The following KCND3 variants were observed in gnomAD, a reference collection of about 807,000 sequenced individuals.
The protein encoded by KCND3 is A-type voltage-gated potassium channel KCND3.
KCND3 carries 9 observed loss-of-function variants against 51.1 expected under a neutral mutation model. That is an observed-to-expected ratio of 0.18 (90% confidence interval 0.11 to 0.31). KCND3 has a LOEUF of 0.31. KCND3 is among the 10% of genes least tolerant of loss of function. KCND3 has a pLI of 1.00. For missense variants in KCND3, 526 were observed against 903.8 expected, an observed-to-expected ratio of 0.58 and a Z score of 5.36; for synonymous variants, 349 against 368.0, an observed-to-expected ratio of 0.95 and a Z score of 0.59.
At chr1:111,873,606 G>A (rs1221226552) in intron 2 of KCND3, among the ~76,000 whole-genome samples, 1 of 152,076 alleles carries the variant, frequency 6.6e-6, no homozygotes, top group African/African-American at 2.4e-5. Context: ...TCTGTTATGT[G>A]CAGCTGCAGA....
chr1:111,855,428 TA>T (rs1347717905), intron 2 of KCND3, among the ~76,000 whole-genome samples: 1 of 152,188 alleles, frequency 6.6e-6, no homozygotes, highest in Non-Finnish European at 1.5e-5. Context: ...CACCAGCTTG[TA>T]ATTACTTTTC....
intron 2 of KCND3, among the ~76,000 whole-genome samples, chr1:111,813,688 G>A (rs1398403576): frequency 6.6e-6 from 1 of 152,180 alleles, no homozygotes; most frequent in African/African-American, 2.4e-5. Flanking sequence ...TGGCTCCCTA[G>A]GTAGGTCAAA....
At chr1:111,928,904 C>T (rs1343676118) in intron 2 of KCND3, among the ~76,000 whole-genome samples, 1 of 152,194 alleles carries the variant, frequency 6.6e-6, no homozygotes, top group Non-Finnish European at 1.5e-5. Context: ...GAAATATCTG[C>T]TCTGCAGACA....
intron 2 of KCND3, among the ~76,000 whole-genome samples, chr1:111,967,081 AGTGAGCCGAGATCAC>A (rs1420783703): frequency 1.3e-5 from 2 of 149,668 alleles, no homozygotes; most frequent in East Asian, 4.1e-4. Context: ...CAGAGATTGC[AGTGAGCCGAGATCAC>A]GCCATTGCAC....
chr1:111,828,700 G>A (rs529199590), intron 2 of KCND3, among the ~76,000 whole-genome samples: 1 of 152,136 alleles, frequency 6.6e-6, no homozygotes. Flanking sequence ...CCCCCATCCT[G>A]CCACCAGCTC....
intron 2 of KCND3, among the ~76,000 whole-genome samples, chr1:111,928,417 C>T (rs1338977144): frequency 6.6e-6 from 1 of 152,208 alleles, no homozygotes; most frequent in Non-Finnish European, 1.5e-5. Context: ...CAGATCATGG[C>T]CCATGCCTGC....
chr1:111,947,102 A>T (rs1672813593), intron 2 of KCND3, among the ~76,000 whole-genome samples: 1 of 152,124 alleles, frequency 6.6e-6, no homozygotes, highest in Non-Finnish European at 1.5e-5. Context: ...TAGAGAATTT[A>T]ATCTATTTAC....
intron 1 of KCND3, among the ~76,000 whole-genome samples, chr1:111,987,516 G>A (rs995314422): frequency 6.6e-6 from 1 of 152,200 alleles, no homozygotes; most frequent in Non-Finnish European, 1.5e-5. Flanking sequence ...TGGGGGTTGG[G>A]AGGTGAAAGG....
chr1:111,915,752 C>CAAAAAAAAAAAAAAAA, intron 2 of KCND3, among the ~76,000 whole-genome samples: 1 of 67,320 alleles, frequency 1.5e-5, no homozygotes, highest in Non-Finnish European at 2.8e-5. Context: ...GACTCTGTCT[C>CAAAAAAAAAAAAAAAA]AAAAAAAAAA....
At chr1:111,919,280 A>G (rs1443926) in intron 2 of KCND3, among the ~76,000 whole-genome samples, 38,040 of 150,762 alleles carry the variant, frequency 0.25, 5,208 homozygotes, top group Non-Finnish European at 0.31. Flanking sequence ...GGTGCTATGA[A>G]TGAAGTAAGA....
In KCND3 at chr1:111,960,512, C is replaced by G. The variant is rs72977018; in HGVS notation, c.1106+21109G>C. On this transcript the variant is annotated intron_variant, in intron 2 of 7. Transcript: ENST00000302127. ...TTCCTCCCTTCCCCACAGCAGTGGT[C>G]AGGCACGGACAGTTCCCAAGAGTGC... is the stretch of plus-strand genomic sequence containing the variant. Among the ~76,000 whole-genome samples the G allele has an allele frequency of 4.4e-3, 670 of 152,346 alleles. 5 individuals are homozygous for G. The highest frequency in any genetic ancestry group is 0.015 in the African/African-American group (620 of 41,572).
At chr1:111,882,585 C>T (rs563386274) in intron 2 of KCND3, among the ~76,000 whole-genome samples, 20 of 152,280 alleles carry the variant, frequency 1.3e-4, no homozygotes, top group Non-Finnish European at 7.4e-5. Flanking sequence ...GGGGCCCAGG[C>T]CCTGAGGTGC....
intron 2 of KCND3, among the ~76,000 whole-genome samples, chr1:111,859,772 G>A (rs950182980): frequency 4.6e-5 from 7 of 152,114 alleles, no homozygotes; most frequent in South Asian, 4.1e-4. Context: ...AATGAATATC[G>A]ATCAAGCTTG....
At chr1:111,934,819 T>C (rs1672145455) in intron 2 of KCND3, among the ~76,000 whole-genome samples, 1 of 152,252 alleles carries the variant, frequency 6.6e-6, no homozygotes, top group Non-Finnish European at 1.5e-5. Flanking sequence ...AAACTGCTTA[T>C]ACCTCAGTTT....
chr1:111,795,793 A>G (rs940916179), intron 2 of KCND3, among the ~76,000 whole-genome samples: 3 of 151,990 alleles, frequency 2.0e-5, no homozygotes, highest in Admixed American at 6.6e-5. Flanking sequence ...ACTAATTTAC[A>G]CTCCCACCAA....
chr1:111,817,832 G>C (rs1174602545), intron 2 of KCND3, among the ~76,000 whole-genome samples: 1 of 152,326 alleles, frequency 6.6e-6, no homozygotes, highest in East Asian at 1.9e-4. Flanking sequence ...GCGTCAATAT[G>C]TGCAAAGCAG....
At chr1:111,898,174 G>A (rs1670209189) in intron 2 of KCND3, among the ~76,000 whole-genome samples, 1 of 152,214 alleles carries the variant, frequency 6.6e-6, no homozygotes, top group Admixed American at 6.5e-5. Flanking sequence ...GGATTAAATA[G>A]ATCAATCCAC....
intron 2 of KCND3, among the ~76,000 whole-genome samples, chr1:111,977,640 G>T (rs1674710871): frequency 6.6e-6 from 1 of 152,074 alleles, no homozygotes; most frequent in Non-Finnish European, 1.5e-5. Flanking sequence ...TCAAAACCAG[G>T]CCTGGGACTG....
chr1:111,825,333 G>A (rs1009544917), intron 2 of KCND3, among the ~76,000 whole-genome samples: 1 of 152,112 alleles, frequency 6.6e-6, no homozygotes, highest in South Asian at 2.1e-4. Flanking sequence ...ATCAGCTCAG[G>A]TTGTTCTTAA....
Sources: allele counts gnomAD v4.1 joint callset (sites outside exome capture counted in the v4.1 genomes callset), GRCh38; gene constraint gnomAD v4.1.1; transcripts MANE v1.5; gene names NCBI Gene and HGNC (gene_info 2026-07-23, HGNC 2026-07-21).